The following NRXN3 variants were observed in gnomAD, a reference collection of about 807,000 sequenced individuals.
NRXN3 encodes neurexin III.
In NRXN3, 32 loss-of-function variants were observed where a neutral mutation model predicts 137.6. The ratio of observed to expected loss-of-function variants is 0.23; its 90% CI spans 0.18 to 0.31. The LOEUF (loss-of-function observed/expected upper bound fraction) is 0.31. Ranked by LOEUF, NRXN3 falls within the 10% of genes least tolerant of loss-of-function variation. The probability of loss-of-function intolerance (pLI) is 1.00; values close to 1 mark genes in which losing one functional copy is unlikely to be tolerated. For synonymous variants in NRXN3, 798 were observed against 784.5 expected, an observed-to-expected ratio of 1.02 and a Z score of -0.29; for missense variants, 1,574 against 2,062.5, an observed-to-expected ratio of 0.76 and a Z score of 4.59.
intron 4 of NRXN3, among the ~76,000 whole-genome samples, chr14:78,557,861 GTTAC>G (rs955235958): frequency 2.0e-5 from 3 of 152,206 alleles, no homozygotes; most frequent in African/African-American, 7.2e-5. Flanking sequence ...GAAGGCATCT[GTTAC>G]TTATTTATTG....
intron 4 of NRXN3, among the ~76,000 whole-genome samples, chr14:78,382,835 G>A (rs1348124790): frequency 6.6e-6 from 1 of 152,170 alleles, no homozygotes; most frequent in Non-Finnish European, 1.5e-5. Flanking sequence ...CCTGGGGCTT[G>A]TGAGGCTGGA....
At chr14:78,567,327 A>G (rs1044748571) in intron 4 of NRXN3, among the ~76,000 whole-genome samples, 4 of 152,186 alleles carry the variant, frequency 2.6e-5, no homozygotes, top group African/African-American at 9.7e-5. Flanking sequence ...CCACTTCTCA[A>G]CTTTCCCCAG....
At chr14:79,521,807 C>A (rs965909039) in intron 16 of NRXN3, among the ~76,000 whole-genome samples, 1 of 152,100 alleles carries the variant, frequency 6.6e-6, no homozygotes, top group South Asian at 2.1e-4. Flanking sequence ...CTGTGCTTAC[C>A]TTCAATTTCA....
At chr14:79,332,744 G>A (rs1040653776) in intron 15 of NRXN3, among the ~76,000 whole-genome samples, 3 of 152,138 alleles carry the variant, frequency 2.0e-5, no homozygotes, top group African/African-American at 7.2e-5. Flanking sequence ...GTCTTTGTGA[G>A]AATACAATTG....
At chr14:79,697,125 A>C (rs1436752185) in intron 18 of NRXN3, among the ~76,000 whole-genome samples, 1 of 152,038 alleles carries the variant, frequency 6.6e-6, no homozygotes, top group Non-Finnish European at 1.5e-5. Flanking sequence ...CAAGTCTCTT[A>C]ACTGAAATTT....
chr14:79,003,420 C>T (rs1466188351), intron 15 of NRXN3, among the ~76,000 whole-genome samples: 3 of 152,134 alleles, frequency 2.0e-5, no homozygotes, highest in Non-Finnish European at 4.4e-5. Context: ...CTAATTTAGT[C>T]TTTACAATGA....
chr14:79,855,564 G>A (rs959018265), intron 20 of NRXN3, among the ~76,000 whole-genome samples: 9 of 151,914 alleles, frequency 5.9e-5, no homozygotes, highest in African/African-American at 2.2e-4. Context: ...TTAATAAAAT[G>A]TTATTTTTAA....
At chr14:78,314,330 C>G (rs1436426683) in intron 4 of NRXN3, among the ~76,000 whole-genome samples, 1 of 152,200 alleles carries the variant, frequency 6.6e-6, no homozygotes, top group Non-Finnish European at 1.5e-5. Flanking sequence ...TGACAATTCC[C>G]AAATCACAGT....
chr14:78,796,204 C>G (rs2153064964), intron 8 of NRXN3, among the ~76,000 whole-genome samples: 1 of 152,342 alleles, frequency 6.6e-6, no homozygotes, highest in South Asian at 2.1e-4. Context: ...GTCCAATTGT[C>G]TCTTCCTCAG....
At chr14:79,429,169 A>G (rs2095704889) in intron 15 of NRXN3, among the ~76,000 whole-genome samples, 1 of 152,180 alleles carries the variant, frequency 6.6e-6, no homozygotes, top group South Asian at 2.1e-4. Context: ...GCAAATATAG[A>G]TGAGCTCTTC....
At chr14:79,690,829 T>C (rs1298227417) in intron 17 of NRXN3, among the ~76,000 whole-genome samples, 1 of 152,166 alleles carries the variant, frequency 6.6e-6, no homozygotes, top group Admixed American at 6.6e-5. Flanking sequence ...ATTGAAATGC[T>C]TTAGCATGCC....
At chr14:79,001,024 T>C (rs2099540311) in intron 15 of NRXN3, among the ~76,000 whole-genome samples, 1 of 152,142 alleles carries the variant, frequency 6.6e-6, no homozygotes, top group African/African-American at 2.4e-5. Flanking sequence ...TTTCTCAGTG[T>C]GGGGTAAGAT....
intron 15 of NRXN3, among the ~76,000 whole-genome samples, chr14:79,116,684 G>A (rs2054506788): frequency 2.0e-5 from 3 of 152,136 alleles, no homozygotes; most frequent in South Asian, 2.1e-4. Flanking sequence ...TGTGTGAAGG[G>A]TCTTTAAATA....
chr14:78,469,808 C>A (rs1384014883), intron 4 of NRXN3, among the ~76,000 whole-genome samples: 2 of 152,192 alleles, frequency 1.3e-5, no homozygotes, highest in African/African-American at 4.8e-5. Context: ...TCCACCATTT[C>A]CTTTGAGAAG....
intron 16 of NRXN3, among the ~76,000 whole-genome samples, chr14:79,492,344 A>G (rs2096724964): frequency 6.6e-6 from 1 of 152,036 alleles, no homozygotes; most frequent in Admixed American, 6.6e-5. Context: ...TTACTTTGCA[A>G]GGTATTCAGT....
intron 15 of NRXN3, among the ~76,000 whole-genome samples, chr14:79,366,980 CTTTTTT>C (rs71131695): frequency 8.8e-6 from 1 of 113,200 alleles, no homozygotes; most frequent in Non-Finnish European, 1.8e-5. Flanking sequence ...GTCCCTTAGT[CTTTTTT>C]TTTTTTTTTT....
At chr14:78,245,730 C>T (rs2067576488) in intron 2 of NRXN3, among the ~76,000 whole-genome samples, 1 of 152,196 alleles carries the variant, frequency 6.6e-6, no homozygotes, top group Non-Finnish European at 1.5e-5. Flanking sequence ...CAGGAGCTGC[C>T]TGGGTCTCCA....
chr14:78,376,769 A>G (rs1485528847), intron 4 of NRXN3, among the ~76,000 whole-genome samples: 3 of 152,238 alleles, frequency 2.0e-5, no homozygotes, highest in African/African-American at 7.2e-5. Flanking sequence ...TGAATAGCCC[A>G]GAAATATTTG....
At chr14:78,723,246 C>T (rs1291989940) in intron 8 of NRXN3, among the ~76,000 whole-genome samples, 1 of 152,130 alleles carries the variant, frequency 6.6e-6, no homozygotes, top group Non-Finnish European at 1.5e-5. Flanking sequence ...ATATAATAGT[C>T]CAGTTTGCAT....
Sources: allele counts gnomAD v4.1 joint callset (sites outside exome capture counted in the v4.1 genomes callset), GRCh38; gene constraint gnomAD v4.1.1; transcripts MANE v1.5; gene names NCBI Gene and HGNC (gene_info 2026-07-23, HGNC 2026-07-21).